Variants in GANC observed in about 807,000 individuals in gnomAD.
GANC encodes the protein neutral alpha-glucosidase C.
In GANC, 117 loss-of-function variants were observed where a neutral mutation model predicts 124.2. The ratio of observed to expected loss-of-function variants is 0.94; its 90% CI spans 0.81 to 1.10. The LOEUF (loss-of-function observed/expected upper bound fraction) is 1.10, where lower values mean the gene tolerates loss of function less well. Among genes scored for constraint, GANC ranks in the 50% least tolerant of loss-of-function variants. The pLI is 0.00. For synonymous variants in GANC, 377 were observed against 376.8 expected (o/e 1.00, Z -0.01); for missense variants, 1,140 against 1,095.0 (o/e 1.04, Z -0.58).
intron 3 of GANC, among the ~76,000 whole-genome samples, chr15:42,281,759 A>T (rs183798252): frequency 2.6e-5 from 4 of 152,346 alleles, no homozygotes; most frequent in Admixed American, 6.5e-5. Flanking sequence ...AACATAAATT[A>T]AAAAATTGTG....
At chr15:42,285,412 G>GAA (rs1333513454) in intron 3 of GANC, among the ~76,000 whole-genome samples, 2 of 151,982 alleles carry the variant, frequency 1.3e-5, no homozygotes, top group African/African-American at 4.8e-5. Flanking sequence ...AAGAAAGAAA[G>GAA]AAAGAAAAAA....
intron 3 of GANC, 88 bp from the exon 4 acceptor site, chr15:42,287,603 C>T (rs2051802787): frequency 5.7e-6 from 8 of 1,411,978 alleles, no homozygotes; most frequent in Non-Finnish European, 7.7e-6. Flanking sequence ...ATAATTGAAA[C>T]AAATACTTTC....
intron 7 of GANC, 48 bp downstream of exon 7, chr15:42,306,660 T>C: frequency 7.8e-7 from 1 of 1,278,926 alleles, no homozygotes; most frequent in African/African-American, 1.5e-5. Flanking sequence ...TCTAAAAATG[T>C]CTACATAATT....
Position 42,352,065 on chromosome 15 carries a change from G to T in GANC, c.2671G>T (p.Ala891Ser). ...KDQPVAFTYC[A>S]KTSILSLEKL... is the part of the protein sequence containing the mutation. Reference sequence around the variant, plus strand: ...TCAGCCTGTGGCTTTTACGTATTGTGCCAAAACATCCATCCTGAGCCTGGA... The same window carrying T: ...TCAGCCTGTGGCTTTTACGTATTGTTCCAAAACATCCATCCTGAGCCTGGA... The change falls in exon 24 of 24, where the codon GCC becomes TCC. Residue 891 changes from alanine to serine, a missense_variant. Ala to Ser is a moderately conservative substitution (Grantham distance 99). Transcript: ENST00000318010. 6.2e-7 allele frequency: 1 copy of T among 1,614,068 alleles called. No homozygotes were observed. The highest frequency in any genetic ancestry group is 8.5e-7 in the Non-Finnish European group (1 of 1,179,976).
intron 4 of GANC, 63 bp from the exon 5 acceptor site, chr15:42,292,672 A>G: frequency 6.8e-7 from 1 of 1,475,394 alleles, no homozygotes; most frequent in South Asian, 1.2e-5. Flanking sequence ...TTGGAAGTAC[A>G]AATCACATAG....
chr15:42,316,194 G>A (rs1219348156), intron 10 of GANC, among the ~76,000 whole-genome samples: 3 of 152,108 alleles, frequency 2.0e-5, no homozygotes, highest in Non-Finnish European at 4.4e-5. Context: ...CAATTGTAGG[G>A]TCCAGCCCTA....
chr15:42,282,333 T>C (rs561292858), intron 3 of GANC, among the ~76,000 whole-genome samples: 8 of 151,582 alleles, frequency 5.3e-5, no homozygotes, highest in Non-Finnish European at 1.0e-4. Flanking sequence ...AAAAAAAAAA[T>C]TTTTAATAAC....
rs1222711471 is a variant in GANC, at chr15:42,310,341, A to C, written c.781A>C (p.Lys261Gln). Reference protein sequence around the residue: ...LDVYGYQIYDKMGIYGSVPYL... With the variant: ...LDVYGYQIYDQMGIYGSVPYL... ...TGTCTATGGATACCAAATATATGAT[A>C]AAATGGGCATTTATGGTTCAGTACC... The change falls in exon 9 of 24, where the codon AAA (lysine) becomes CAA (glutamine). Residue 261 changes from lysine (K) to glutamine (Q), a missense_variant. Transcript: ENST00000318010. The C allele has an allele frequency of 1.2e-6, 2 of 1,613,462 alleles. No individual in the cohort carries two copies. Among genetic ancestry groups the C allele is most frequent in the Admixed American group, 3.3e-5 (2 of 60,002 alleles).
Position 42,273,618 on chromosome 15 carries a change from T to G in GANC, c.-864T>G, listed in dbSNP as rs992759602. 1 of 705,644 alleles carries G rather than the reference T, an allele frequency of 1.4e-6. No homozygotes were observed. 43.7% of individuals were successfully genotyped at this position (705,644 alleles called of 1,614,324 possible). Reference sequence around the variant, plus strand: ...GTCATCCTGTTGGAACCTGGTCAGCTGGGTTAGAGAGATCGCTACATGCCA... The same window carrying G: ...GTCATCCTGTTGGAACCTGGTCAGCGGGGTTAGAGAGATCGCTACATGCCA... On this transcript the variant is annotated 5_prime_UTR_variant, in exon 1 of 24. Coordinates refer to ENST00000318010, the MANE Select transcript of GANC (RefSeq NM_198141.3).
At chr15:42,296,939 AC>A (rs2051898153) in intron 5 of GANC, among the ~76,000 whole-genome samples, 1 of 151,070 alleles carries the variant, frequency 6.6e-6, no homozygotes, top group Non-Finnish European at 1.5e-5. Flanking sequence ...TCTTAGAAAT[AC>A]AAACTGAAAT....
intron 20 of GANC, among the ~76,000 whole-genome samples, 153 bp from the exon 21 acceptor site, chr15:42,347,950 C>A (rs2052380418): frequency 6.6e-6 from 1 of 152,144 alleles, no homozygotes; most frequent in Non-Finnish European, 1.5e-5. Context: ...ATGCCAGGAC[C>A]CCCATATTTG....
intron 3 of GANC, among the ~76,000 whole-genome samples, chr15:42,282,932 T>A (rs1306618387): frequency 6.6e-6 from 1 of 151,946 alleles, no homozygotes; most frequent in East Asian, 1.9e-4. Flanking sequence ...GGAGAGAGAG[T>A]GTGTACACAA....
Position 42,273,422 on chromosome 15 carries a change from C to A in GANC, c.-1060C>A, listed in dbSNP as rs781141360. 3.7e-6 allele frequency: 6 copies of A among 1,613,184 alleles called. No homozygotes were observed. The highest frequency in any genetic ancestry group is 4.2e-6 in the Non-Finnish European group (5 of 1,179,784). On this transcript the variant is annotated 5_prime_UTR_variant, in exon 1 of 24. Coordinates refer to ENST00000318010, the MANE Select transcript of GANC (RefSeq NM_198141.3). ...ATCTTCACAGCCGTGGAGTGCCTACCGAAAGCATTTCACCCTCTTCCGGTT... is the reference window on the plus strand; with the variant it reads ...ATCTTCACAGCCGTGGAGTGCCTACAGAAAGCATTTCACCCTCTTCCGGTT...
chr15:42,302,187 T>C (rs189041189), intron 6 of GANC, among the ~76,000 whole-genome samples: 2 of 152,338 alleles, frequency 1.3e-5, no homozygotes, highest in African/African-American at 2.4e-5. Flanking sequence ...TTCTGCAGCC[T>C]CTGCTGGTAA....
intron 22 of GANC, among the ~76,000 whole-genome samples, chr15:42,351,089 G>T (rs7175863): frequency 6.8e-6 from 1 of 146,160 alleles, no homozygotes; most frequent in Non-Finnish European, 1.5e-5. Context: ...CCAGGCTGGT[G>T]TTGAACTCCT....
intron 5 of GANC, among the ~76,000 whole-genome samples, chr15:42,293,682 G>A (rs923648527): frequency 6.6e-6 from 1 of 151,552 alleles, no homozygotes; most frequent in African/African-American, 2.4e-5. Context: ...GAATAGTCAA[G>A]TACTTGTTTA....
At chr15:42,332,689 A>G (rs1164340874) in intron 15 of GANC, among the ~76,000 whole-genome samples, 1 of 152,052 alleles carries the variant, frequency 6.6e-6, no homozygotes, top group Non-Finnish European at 1.5e-5. Context: ...AGGAAATTAG[A>G]ATACTTTTTT....
chr15:42,298,618 ATCT>A (rs761933831), intron 6 of GANC, among the ~76,000 whole-genome samples: 3 of 152,186 alleles, frequency 2.0e-5, no homozygotes, highest in Admixed American at 6.5e-5. Flanking sequence ...CACTCCAGAA[ATCT>A]TCTCTCTCTT....
At chr15:42,314,758 A>G (rs2052088190) in intron 10 of GANC, 1 of 152,350 alleles carries the variant, frequency 6.6e-6, no homozygotes, top group Admixed American at 6.5e-5. Flanking sequence ...TTTATATTCC[A>G]AAAGAATGAA....
Sources: gnomAD v4.1 joint callset for allele counts (sites outside exome capture counted in the v4.1 genomes callset) on GRCh38, gnomAD v4.1.1 for gene constraint, MANE v1.5 for transcripts, NCBI Gene and HGNC (gene_info 2026-07-23, HGNC 2026-07-21) for gene names.